ANK3: variants seen among roughly 807,000 people sequenced by gnomAD.
ANK3 encodes ankyrin-3.
A neutral mutation model predicts 370.9 loss-of-function variants in ANK3; 57 were observed. That is an observed-to-expected ratio of 0.15 (90% CI 0.12 to 0.19). ANK3 has a LOEUF of 0.19. Ranked by LOEUF, ANK3 falls within the 10% of genes least tolerant of loss-of-function variation. The probability of loss-of-function intolerance (pLI) is 1.00; values close to 1 mark genes in which losing one functional copy is unlikely to be tolerated. For synonymous variants in ANK3, 1,929 were observed against 1,946.3 expected (o/e 0.99, Z 0.23); for missense variants, 4,439 against 5,302.1 (o/e 0.84, Z 5.06).
At chr10:60,143,211 G>GTGATCAC (rs10623867) in intron 23 of ANK3, among the ~76,000 whole-genome samples, 1 of 152,074 alleles carries the variant, frequency 6.6e-6, no homozygotes. Context: ...ATTGTGTTAG[G>GTGATCAC]AAAATTTGTT....
chr10:60,044,036 T>G (rs1194004575), intron 42 of ANK3: 3 of 985,716 alleles, frequency 3.0e-6, no homozygotes, highest in East Asian at 1.1e-4. Flanking sequence ...ACAAAGCTTT[T>G]GTCCTCTACA....
chr10:60,385,061 C>T (rs924913470), intron 1 of ANK3, among the ~76,000 whole-genome samples: 1 of 152,120 alleles, frequency 6.6e-6, no homozygotes, highest in Non-Finnish European at 1.5e-5. Flanking sequence ...CCCCATAAAG[C>T]TATTCACAGT....
chr10:60,529,878 G>A (rs906397922), intron 2 of ANK3, among the ~76,000 whole-genome samples: 27 of 152,238 alleles, frequency 1.8e-4, no homozygotes, highest in Middle Eastern at 3.4e-3. Flanking sequence ...ATTTGTTTTC[G>A]TTCTCAGGCA....
chr10:60,081,564 A>C, intron 35 of ANK3: 2 of 421,722 alleles, frequency 4.7e-6, no homozygotes, highest in African/African-American at 2.1e-5. Context: ...TGAGAGTATC[A>C]AAGATTTATC....
chr10:60,092,978 C>G (rs539362029), intron 28 of ANK3, among the ~76,000 whole-genome samples: 46 of 152,278 alleles, frequency 3.0e-4, no homozygotes, highest in African/African-American at 1.0e-3. Context: ...TCAGGCAATC[C>G]GGCTGCCTTG....
At position 60,068,759 on chromosome 10, in the gene ANK3, G is replaced by C. The variant is rs747340588; in HGVS notation, c.12122C>G (p.Thr4041Ser). The C allele has an allele frequency of 8.7e-6, 14 of 1,614,056 alleles. No homozygotes were observed. Among genetic ancestry groups the C allele is most frequent in the Non-Finnish European group, 1.0e-5 (12 of 1,180,032 alleles). The change falls in exon 37 of 44, where the codon ACT (threonine) becomes AGT (serine). Residue 4041 changes from threonine (T) to serine (S), a missense_variant. Thr to Ser is a moderately conservative substitution (Grantham distance 58). This residue lies in a region of ANK3 where 496 missense variants were observed against 529.3 expected (regional missense o/e 0.94). Transcript: ENST00000280772. ...STSRNTSLSE[T>S]SRGGQPSVTT... is the part of the protein sequence containing the mutation. ...AACCGAAGGCTGGCCACCCCGGGAA[G>C]TCTCGGACAACGACGTGTTTCTTGA... is the stretch of plus-strand genomic sequence containing the variant.
chr10:60,612,972 A>C (rs1208265989), intron 2 of ANK3, among the ~76,000 whole-genome samples: 1 of 152,164 alleles, frequency 6.6e-6, no homozygotes, highest in Non-Finnish European at 1.5e-5. Context: ...GAAGGCTATA[A>C]ATGAGGTTGG....
intron 26 of ANK3, among the ~76,000 whole-genome samples, chr10:60,110,099 T>TA (rs2092582918): frequency 6.6e-6 from 1 of 152,132 alleles, no homozygotes; most frequent in East Asian, 1.9e-4. Flanking sequence ...TCGGAATTCT[T>TA]AAAGTGTTTT....
intron 42 of ANK3, among the ~76,000 whole-genome samples, chr10:60,054,929 TAAA>T (rs1459182504): frequency 6.6e-6 from 1 of 152,206 alleles, no homozygotes. Flanking sequence ...CATTTCAGTT[TAAA>T]ATACTTTTAA....
At chr10:60,116,804 T>C (rs2093125799) in intron 25 of ANK3, among the ~76,000 whole-genome samples, 1 of 150,688 alleles carries the variant, frequency 6.6e-6, no homozygotes, top group African/African-American at 2.4e-5. Flanking sequence ...CAAAGGAAAA[T>C]AAATCAAGGA....
intron 2 of ANK3, among the ~76,000 whole-genome samples, chr10:60,452,585 G>C (rs1415349591): frequency 6.6e-6 from 1 of 152,208 alleles, no homozygotes; most frequent in Non-Finnish European, 1.5e-5. Flanking sequence ...CTAGAGTAAG[G>C]AATGCCAACT....
At chr10:60,319,875 C>G (rs1247451514) in intron 1 of ANK3, among the ~76,000 whole-genome samples, 1 of 152,176 alleles carries the variant, frequency 6.6e-6, no homozygotes, top group Non-Finnish European at 1.5e-5. Flanking sequence ...ATACTGTTAT[C>G]TCTTTCCCTA....
intron 1 of ANK3, among the ~76,000 whole-genome samples, chr10:60,674,843 G>T (rs2079105187): frequency 3.3e-5 from 5 of 152,014 alleles, no homozygotes; most frequent in Admixed American, 3.3e-4. Flanking sequence ...TCTCATAACT[G>T]ATCATTGTGC....
chr10:60,336,016 C>G (rs909155714), intron 1 of ANK3, among the ~76,000 whole-genome samples: 3 of 151,806 alleles, frequency 2.0e-5, no homozygotes, highest in African/African-American at 7.3e-5. Context: ...AGAAAAAGAC[C>G]AGAAAATATT....
intron 16 of ANK3, among the ~76,000 whole-genome samples, chr10:60,191,164 C>T (rs2096471744): frequency 6.6e-6 from 1 of 152,018 alleles, no homozygotes; most frequent in Admixed American, 6.6e-5. Flanking sequence ...CTCTTTTGGG[C>T]ATTGAACTAG....
chr10:60,129,878 T>C (rs1417431330), intron 25 of ANK3, among the ~76,000 whole-genome samples: 1 of 152,240 alleles, frequency 6.6e-6, no homozygotes, highest in African/African-American at 2.4e-5. Context: ...TTCATTTACA[T>C]ATACATTTTC....
intron 2 of ANK3, among the ~76,000 whole-genome samples, chr10:60,480,638 G>A (rs2075187664): frequency 6.6e-6 from 1 of 152,122 alleles, no homozygotes; most frequent in South Asian, 2.1e-4. Flanking sequence ...GTTTACCAAA[G>A]AAGATAATGA....
chr10:60,352,747 G>A (rs1457907044), intron 1 of ANK3, among the ~76,000 whole-genome samples: 1 of 152,202 alleles, frequency 6.6e-6, no homozygotes, highest in African/African-American at 2.4e-5. Context: ...GAAGATGTAA[G>A]TGTTGAGCCA....
intron 43 of ANK3, among the ~76,000 whole-genome samples, chr10:60,037,964 T>TTGAG (rs2075397540): frequency 6.6e-6 from 1 of 152,238 alleles, no homozygotes; most frequent in South Asian, 2.1e-4. Flanking sequence ...CTGTTATTTT[T>TTGAG]TGAGTTTTTA....
Sources: allele counts gnomAD v4.1 joint callset (sites outside exome capture counted in the v4.1 genomes callset), GRCh38; gene constraint gnomAD v4.1.1; regional missense constraint gnomAD v4.1.1; transcripts MANE v1.5; gene names NCBI Gene and HGNC (gene_info 2026-07-23, HGNC 2026-07-21).